Variants in ASTN2 observed in about 807,000 individuals in gnomAD.
ASTN2 encodes the protein astrotactin-2.
In ASTN2, 54 loss-of-function variants were observed where a neutral mutation model predicts 139.8. The observed-to-expected ratio is 0.39, with a 90% CI of 0.31 to 0.48. ASTN2 has a LOEUF of 0.48. ASTN2 is among the 20% of genes least tolerant of loss of function. The probability of loss-of-function intolerance (pLI) is 0.95; values close to 1 mark genes in which losing one functional copy is unlikely to be tolerated. For synonymous variants in ASTN2, 756 were observed against 719.5 expected, an observed-to-expected ratio of 1.05 and a Z score of -0.81; for missense variants, 1,565 against 1,725.1, an observed-to-expected ratio of 0.91 and a Z score of 1.64.
chr9:117,237,427 T>A (rs974315393), intron 2 of ASTN2, among the ~76,000 whole-genome samples: 2 of 152,096 alleles, frequency 1.3e-5, no homozygotes, highest in African/African-American at 2.4e-5. Context: ...GACTGTGGAT[T>A]CATGCAGCAC....
At chr9:116,518,923 T>C (rs1421990363) in intron 19 of ASTN2, among the ~76,000 whole-genome samples, 1 of 152,132 alleles carries the variant, frequency 6.6e-6, no homozygotes, top group Non-Finnish European at 1.5e-5. Flanking sequence ...CATTATATAA[T>C]GATTAAAGAA....
chr9:116,868,987 C>A (rs986607067), intron 10 of ASTN2, among the ~76,000 whole-genome samples: 3 of 152,136 alleles, frequency 2.0e-5, no homozygotes, highest in African/African-American at 7.2e-5. Flanking sequence ...GAGTTCGAGA[C>A]CAGCCTGACC....
chr9:116,504,442 A>AT (rs999940552), intron 19 of ASTN2: 8 of 152,134 alleles, frequency 5.3e-5, no homozygotes, highest in African/African-American at 1.7e-4. Context: ...AAGAAAACCC[A>AT]TTTTACTTAA....
chr9:116,973,347 C>A (rs546851331), intron 10 of ASTN2, among the ~76,000 whole-genome samples: 5 of 152,152 alleles, frequency 3.3e-5, no homozygotes, highest in South Asian at 4.1e-4. Flanking sequence ...GAGGAAGGCA[C>A]TGTTATTATC....
At chr9:117,396,766 A>G (rs1003401064) in intron 1 of ASTN2, among the ~76,000 whole-genome samples, 4 of 151,682 alleles carry the variant, frequency 2.6e-5, no homozygotes, top group African/African-American at 9.7e-5. Context: ...GAGTTTCCCC[A>G]TGTTGGCAAA....
At chr9:116,565,737 C>T (rs1317729380) in intron 19 of ASTN2, among the ~76,000 whole-genome samples, 1 of 152,022 alleles carries the variant, frequency 6.6e-6, no homozygotes. Flanking sequence ...CCTGTCTCAG[C>T]CTCCCAAAGG....
chr9:117,413,199 C>A (rs902901001), intron 1 of ASTN2, among the ~76,000 whole-genome samples: 1 of 152,262 alleles, frequency 6.6e-6, no homozygotes, highest in South Asian at 2.1e-4. Flanking sequence ...CACAAAAATA[C>A]TTTTAACAAT....
At chr9:116,843,947 T>G (rs904652981) in intron 11 of ASTN2, among the ~76,000 whole-genome samples, 2 of 152,152 alleles carry the variant, frequency 1.3e-5, no homozygotes, top group African/African-American at 2.4e-5. Context: ...AATCAAATTT[T>G]AAAAAACTCT....
chr9:117,312,789 C>T (rs1026627786), intron 1 of ASTN2, among the ~76,000 whole-genome samples: 11 of 152,104 alleles, frequency 7.2e-5, no homozygotes, highest in Admixed American at 5.2e-4. Context: ...AGCCCCTAAC[C>T]TTTGAAATGA....
At chr9:116,861,764 G>A (rs1313693384) in intron 11 of ASTN2, among the ~76,000 whole-genome samples, 2 of 152,170 alleles carry the variant, frequency 1.3e-5, no homozygotes, top group Non-Finnish European at 2.9e-5. Flanking sequence ...TTGGCACAAT[G>A]AGAAGGAATC....
At chr9:116,485,820 C>G (rs1199279623) in intron 20 of ASTN2, among the ~76,000 whole-genome samples, 1 of 152,158 alleles carries the variant, frequency 6.6e-6, no homozygotes, top group African/African-American at 2.4e-5. Context: ...GACTCAATTG[C>G]CAGCTTTTGG....
intron 4 of ASTN2, among the ~76,000 whole-genome samples, chr9:117,129,985 T>G (rs1233801292): frequency 6.6e-6 from 1 of 152,148 alleles, no homozygotes; most frequent in Non-Finnish European, 1.5e-5. Flanking sequence ...CTCTGGGAAA[T>G]AGTATATAAC....
intron 1 of ASTN2, among the ~76,000 whole-genome samples, chr9:117,309,844 T>C (rs1827917640): frequency 6.6e-6 from 1 of 152,160 alleles, no homozygotes; most frequent in African/African-American, 2.4e-5. Flanking sequence ...CTCTGGAATC[T>C]TGTGAGGTCA....
chr9:116,826,726 CCCTCAAAAA>C (rs1831638323), intron 11 of ASTN2, among the ~76,000 whole-genome samples: 1 of 152,212 alleles, frequency 6.6e-6, no homozygotes, highest in Admixed American at 6.5e-5. Context: ...CAAGAATCAG[CCCTCAAAAA>C]CCTACTAACA....
chr9:117,037,259 C>T (rs1482924746), intron 6 of ASTN2, among the ~76,000 whole-genome samples: 1 of 151,952 alleles, frequency 6.6e-6, no homozygotes, highest in African/African-American at 2.4e-5. Context: ...AGAAAGGGCA[C>T]CTTTTAATTC....
chr9:116,726,318 A>G (rs1828622317), intron 15 of ASTN2, among the ~76,000 whole-genome samples: 2 of 152,214 alleles, frequency 1.3e-5, no homozygotes, highest in Admixed American at 1.3e-4. Context: ...CTCTTTATGT[A>G]ACTTAACCTT....
chr9:117,174,660 A>T (rs899022352), intron 3 of ASTN2, among the ~76,000 whole-genome samples: 1 of 152,054 alleles, frequency 6.6e-6, no homozygotes, highest in African/African-American at 2.4e-5. Flanking sequence ...TAGAAACGAC[A>T]GTAATACACT....
At chr9:116,664,082 A>G (rs188299753) in intron 16 of ASTN2, among the ~76,000 whole-genome samples, 2 of 152,302 alleles carry the variant, frequency 1.3e-5, no homozygotes, top group African/African-American at 4.8e-5. Flanking sequence ...ATAGCAGTCT[A>G]TGGACAATCA....
At chr9:117,012,758 G>A (rs1205198438) in intron 6 of ASTN2, among the ~76,000 whole-genome samples, 2 of 152,128 alleles carry the variant, frequency 1.3e-5, no homozygotes, top group African/African-American at 4.8e-5. Context: ...CACCTGTGTG[G>A]CATTTACCCC....
Sources: gnomAD v4.1 joint callset for allele counts (sites outside exome capture counted in the v4.1 genomes callset) on GRCh38, gnomAD v4.1.1 for gene constraint, MANE v1.5 for transcripts, NCBI Gene and HGNC (gene_info 2026-07-23, HGNC 2026-07-21) for gene names.